The following GRAMD1B variants were observed in gnomAD, a reference collection of about 807,000 sequenced individuals.
The protein encoded by GRAMD1B is GRAM domain containing 1B.
Under a neutral mutation model 99.7 loss-of-function variants are expected in GRAMD1B, and 37 were observed. The observed-to-expected ratio is 0.37, with a 90% CI of 0.29 to 0.49. The LOEUF (loss-of-function observed/expected upper bound fraction) is 0.49, where lower values mean the gene tolerates loss of function less well. Ranked by LOEUF, GRAMD1B falls within the 20% of genes least tolerant of loss-of-function variation. The probability of loss-of-function intolerance (pLI) is 0.98; values close to 1 mark genes in which losing one functional copy is unlikely to be tolerated. For synonymous variants in GRAMD1B, 427 were observed against 387.6 expected, an observed-to-expected ratio of 1.10 and a Z score of -1.19; for missense variants, 888 against 1,009.2, an observed-to-expected ratio of 0.88 and a Z score of 1.63.
In GRAMD1B at chr11:123,569,449, C is replaced by T. The variant is rs536129924; in HGVS notation, c.453-7918C>T. Among the ~76,000 whole-genome samples, 3 of 152,290 alleles carry T rather than the reference C, an allele frequency of 2.0e-5. No individual in the cohort carries two copies. In the East Asian group the frequency reaches 5.8e-4, roughly 29 times the overall value. On this transcript the variant is annotated intron_variant, in intron 2 of 19. Coordinates refer to ENST00000635736, the MANE Select transcript of GRAMD1B (RefSeq NM_001387025.1). The stretch of plus-strand genomic sequence containing the variant: ...CCCTTCCCACCTGCCGTGACATGGG[C>T]ACAGAATGTAGACTCTAGCAAGTGA...
rs1490690308 is a variant in GRAMD1B at position 123,599,185 on chromosome 11, G to T, written c.970-1283G>T. On this transcript the variant is annotated intron_variant, in intron 7 of 19. Transcript: ENST00000635736. ...TGCTTCCGGTGGAATTCCTTTATTT[G>T]CTTGAGTCTGTTACAGAAATCAGAA... 3.9e-6 allele frequency: 3 copies of T among 772,004 alleles called. No homozygotes were observed. The Admixed American group carries it at 5.1e-5, about 13-fold the overall frequency. The allele number at this position is 772,004 out of a possible 1,614,324, so 47.8% of individuals were successfully genotyped here.
At chr11:123,600,623 G>A in intron 8 of GRAMD1B, 75 bp downstream of exon 8, 1 of 883,632 alleles carries the variant, frequency 1.1e-6, no homozygotes, top group Admixed American at 2.1e-5. Context: ...CAGGGTTCTG[G>A]GAATCCCCCA....
intron 1 of GRAMD1B, among the ~76,000 whole-genome samples, chr11:123,415,238 G>T (rs963069490): frequency 2.0e-5 from 3 of 151,640 alleles, no homozygotes; most frequent in Non-Finnish European, 4.4e-5. Context: ...GAGTAGCTGG[G>T]ACTACAGGTG....
rs1938036919 is a variant in GRAMD1B at position 123,487,811 on chromosome 11, T to C, written c.452+6918T>C. ...TAGTAGAGACAGGGTTTCACCATGT[T>C]GGCCAGGCTGGTCTCAACCTCCTGA... On this transcript the variant is annotated intron_variant, in intron 2 of 19. Coordinates refer to ENST00000635736, the MANE Select transcript of GRAMD1B (RefSeq NM_001387025.1). 2.0e-5 allele frequency among the ~76,000 whole-genome samples: 3 copies of C among 152,130 alleles called. No individual in the cohort carries two copies. In the South Asian group the frequency reaches 6.2e-4, roughly 32 times the overall value.
chr11:123,519,494 T>A (rs1261846969), intron 2 of GRAMD1B, among the ~76,000 whole-genome samples: 1 of 152,202 alleles, frequency 6.6e-6, no homozygotes, highest in East Asian at 1.9e-4. Flanking sequence ...CTCTCTCACT[T>A]GCTTCCTGAC....
intron 19 of GRAMD1B, among the ~76,000 whole-genome samples, chr11:123,620,472 C>CAAA (rs55787871): frequency 0.023 from 1,585 of 68,138 alleles, 79 homozygotes; most frequent in East Asian, 0.053. Context: ...GACTTCATCT[C>CAAA]AAAAAAAAAA....
chr11:123,501,889 A>G (rs1009763609), intron 2 of GRAMD1B, among the ~76,000 whole-genome samples: 3 of 152,230 alleles, frequency 2.0e-5, no homozygotes, highest in Non-Finnish European at 4.4e-5. Context: ...GTTTGACAAC[A>G]TCTTTCTGAT....
intron 6 of GRAMD1B, among the ~76,000 whole-genome samples, chr11:123,595,419 G>C (rs917963232): frequency 1.3e-5 from 2 of 151,822 alleles, no homozygotes; most frequent in African/African-American, 2.4e-5. Context: ...TCAGCCTCCC[G>C]AGTAGCTGGG....
chr11:123,598,012 A>T, intron 7 of GRAMD1B: 1 of 1,289,414 alleles, frequency 7.8e-7, no homozygotes, highest in Non-Finnish European at 1.1e-6. Context: ...TTGAGTCTTC[A>T]TATTCTTCCT....
intron 1 of GRAMD1B, among the ~76,000 whole-genome samples, chr11:123,405,376 G>A (rs1310111950): frequency 6.6e-6 from 1 of 152,090 alleles, no homozygotes; most frequent in Non-Finnish European, 1.5e-5. Context: ...CTCCCCCCTC[G>A]AAGGCTCCCA....
rs561611017 is a variant in GRAMD1B at position 123,437,402 on chromosome 11, T to C, written c.374+6236T>C. Among the ~76,000 whole-genome samples the C allele has an allele frequency of 4.6e-5, 7 of 152,300 alleles. No homozygotes were observed. In the South Asian group the frequency reaches 8.3e-4, roughly 18 times the overall value. On this transcript the variant is annotated intron_variant, in intron 1 of 19. Transcript: ENST00000635736. ...AGGATGTCTTCTTGTCATCACTCTC[T>C]GGAGGGGGAAGGGAAAGCTGACGAC...
intron 17 of GRAMD1B, among the ~76,000 whole-genome samples, chr11:123,615,209 G>T (rs188252012): frequency 6.6e-6 from 1 of 152,354 alleles, no homozygotes; most frequent in African/African-American, 2.4e-5. Context: ...TTCATTAGAT[G>T]TTCTGGGTGT....
chr11:123,548,325 T>TATATATATATATATATATAC (rs1555067740), intron 2 of GRAMD1B, among the ~76,000 whole-genome samples: 5 of 86,890 alleles, frequency 5.8e-5, no homozygotes, highest in Non-Finnish European at 1.0e-4. Flanking sequence ...TATATATATA[T>TATATATATATATATATATAC]ACACACACAC....
At chr11:123,514,788 G>A (rs192618504) in intron 2 of GRAMD1B, among the ~76,000 whole-genome samples, 2 of 152,338 alleles carry the variant, frequency 1.3e-5, no homozygotes, top group South Asian at 2.1e-4. Flanking sequence ...AGGTAGACAA[G>A]TAAGATAATT....
chr11:123,442,828 A>G (rs1431742846), intron 1 of GRAMD1B, among the ~76,000 whole-genome samples: 4 of 150,278 alleles, frequency 2.7e-5, no homozygotes, highest in South Asian at 2.1e-4. Flanking sequence ...TTTCTTGAGC[A>G]TATGCTAAAC....
chr11:123,512,151 C>G (rs1014191975), intron 2 of GRAMD1B, among the ~76,000 whole-genome samples: 2 of 152,194 alleles, frequency 1.3e-5, no homozygotes, highest in Admixed American at 6.5e-5. Context: ...ACTACCTTGA[C>G]AGTGGGCAGT....
At chr11:123,364,057 G>A (rs902162959) in intron 1 of GRAMD1B, among the ~76,000 whole-genome samples, 5 of 152,200 alleles carry the variant, frequency 3.3e-5, no homozygotes, top group African/African-American at 1.2e-4. Flanking sequence ...TGCCATGCAC[G>A]TGTTTGTGTT....
At chr11:123,522,761 C>T (rs947058708) in intron 2 of GRAMD1B, among the ~76,000 whole-genome samples, 1 of 152,152 alleles carries the variant, frequency 6.6e-6, no homozygotes, top group Admixed American at 6.5e-5. Context: ...TTCTTCCTTC[C>T]CTTTTGGGTT....
intron 2 of GRAMD1B, among the ~76,000 whole-genome samples, chr11:123,558,076 T>C (rs1214400279): frequency 1.3e-5 from 2 of 148,922 alleles, no homozygotes; most frequent in Non-Finnish European, 3.0e-5. Context: ...CTCTGCCTCC[T>C]AGGTTCAAGA....
Sources: gnomAD v4.1 joint callset for allele counts (sites outside exome capture counted in the v4.1 genomes callset) on GRCh38, gnomAD v4.1.1 for gene constraint, MANE v1.5 for transcripts, NCBI Gene and HGNC (gene_info 2026-07-23, HGNC 2026-07-21) for gene names.